Variants in RTF1 observed in about 807,000 individuals in gnomAD.
RTF1 encodes the protein RTF1 homolog, Paf1/RNA polymerase II complex component.
Under a neutral mutation model 95.7 loss-of-function variants are expected in RTF1, and 10 were observed. That is an observed-to-expected ratio of 0.10 (90% confidence interval 0.06 to 0.18). The LOEUF is 0.18. RTF1 is among the 10% of genes least tolerant of loss of function. The pLI is 1.00. For missense variants in RTF1, 458 were observed against 875.6 expected (o/e 0.52, Z 6.02); for synonymous variants, 305 against 311.8 (o/e 0.98, Z 0.23).
chr15:41,427,689 A>G (rs2050643172), intron 1 of RTF1, among the ~76,000 whole-genome samples: 1 of 152,104 alleles, frequency 6.6e-6, no homozygotes, highest in Admixed American at 6.6e-5. Context: ...AATAATAATA[A>G]CAGTAATAAT....
At chr15:41,439,470 C>T (rs758404571) in intron 2 of RTF1, among the ~76,000 whole-genome samples, 6 of 152,190 alleles carry the variant, frequency 3.9e-5, no homozygotes, top group Admixed American at 2.0e-4. Context: ...AACATCCCTC[C>T]GAGTGATGGT....
intron 2 of RTF1, among the ~76,000 whole-genome samples, chr15:41,451,370 G>T: frequency 6.6e-6 from 1 of 152,148 alleles, no homozygotes; most frequent in East Asian, 1.9e-4. Context: ...AGGAGATATG[G>T]TTTAATGTAA....
At chr15:41,442,602 C>T (rs988932583) in intron 2 of RTF1, among the ~76,000 whole-genome samples, 6 of 151,874 alleles carry the variant, frequency 4.0e-5, no homozygotes, top group Admixed American at 1.3e-4. Flanking sequence ...TGGCAATTCT[C>T]GGGCCAGGCA....
intron 6 of RTF1, among the ~76,000 whole-genome samples, chr15:41,467,071 T>C (rs1422574007): frequency 6.6e-6 from 1 of 152,228 alleles, no homozygotes; most frequent in Non-Finnish European, 1.5e-5. Context: ...TTAACAATCC[T>C]GTCAGTTAGC....
At chr15:41,477,720 C>G (rs1012995406) in intron 14 of RTF1, 20 of 587,140 alleles carry the variant, frequency 3.4e-5, no homozygotes, top group Non-Finnish European at 5.5e-5. Flanking sequence ...TACCTCTTCC[C>G]ACCCTTAGAT....
chr15:41,470,661 T>C (rs1468056584), intron 7 of RTF1, among the ~76,000 whole-genome samples: 2 of 135,278 alleles, frequency 1.5e-5, no homozygotes, highest in Admixed American at 7.4e-5. Context: ...TTTTTTTTTT[T>C]TTTTTTTTTT....
intron 2 of RTF1, among the ~76,000 whole-genome samples, chr15:41,447,121 C>G (rs1198350889): frequency 6.6e-6 from 1 of 152,132 alleles, no homozygotes; most frequent in African/African-American, 2.4e-5. Flanking sequence ...TATTCTTGAA[C>G]CTTACTTACT....
chr15:41,460,879 CTTT>C (rs765169928), intron 4 of RTF1, among the ~76,000 whole-genome samples: 1 of 135,392 alleles, frequency 7.4e-6, no homozygotes, highest in Non-Finnish European at 1.6e-5. Context: ...TCTTTTTTTT[CTTT>C]TTTTTTTTTT....
chr15:41,421,033 T>C (rs997400812), intron 1 of RTF1, among the ~76,000 whole-genome samples: 3 of 152,216 alleles, frequency 2.0e-5, no homozygotes, highest in Admixed American at 1.3e-4. Context: ...TAAGCGTACA[T>C]GTATAGGCTG....
chr15:41,476,610 G>GTA, intron 12 of RTF1, 87 bp downstream of exon 12: 1 of 1,247,114 alleles, frequency 8.0e-7, no homozygotes, highest in South Asian at 1.2e-5. Flanking sequence ...GTTAGTGGTG[G>GTA]TAGGATTGGG....
intron 1 of RTF1, among the ~76,000 whole-genome samples, chr15:41,422,728 T>C (rs1214264967): frequency 6.6e-6 from 1 of 152,236 alleles, no homozygotes; most frequent in Non-Finnish European, 1.5e-5. Context: ...TAACTTGAAG[T>C]AGCAATAATT....
At chr15:41,465,083 G>T (rs2050873505) in intron 5 of RTF1, among the ~76,000 whole-genome samples, 198 bp downstream of exon 5, 1 of 151,762 alleles carries the variant, frequency 6.6e-6, no homozygotes, top group Non-Finnish European at 1.5e-5. Flanking sequence ...TTTTTCCTTT[G>T]CTTTCCTTTT....
chr15:41,478,304 G>T (rs1337583994), intron 14 of RTF1, among the ~76,000 whole-genome samples: 2 of 151,670 alleles, frequency 1.3e-5, no homozygotes, highest in Non-Finnish European at 2.9e-5. Context: ...GAGAGGCTGA[G>T]GCAGGAGAAT....
intron 17 of RTF1, 117 bp from the exon 18 acceptor site, chr15:41,480,464 T>A: frequency 1.0e-6 from 1 of 961,066 alleles, no homozygotes; most frequent in Non-Finnish European, 1.7e-6. Flanking sequence ...CAAGACAGGC[T>A]GTGGGTATGG....
intron 1 of RTF1, among the ~76,000 whole-genome samples, chr15:41,429,832 A>G (rs1242644570): frequency 1.3e-5 from 2 of 151,782 alleles, no homozygotes; most frequent in African/African-American, 4.8e-5. Flanking sequence ...TAGCCCCTGC[A>G]CTCATTTGAT....
At chr15:41,419,790 A>T (rs1163317043) in intron 1 of RTF1, among the ~76,000 whole-genome samples, 1 of 152,178 alleles carries the variant, frequency 6.6e-6, no homozygotes, top group Non-Finnish European at 1.5e-5. Flanking sequence ...AAGCTTTTTC[A>T]AAGTGGGAAC....
At chr15:41,425,451 A>G (rs2050624224) in intron 1 of RTF1, among the ~76,000 whole-genome samples, 1 of 152,130 alleles carries the variant, frequency 6.6e-6, no homozygotes, top group African/African-American at 2.4e-5. Context: ...TTCTGAGAGT[A>G]ATAGGAAGCC....
rs561568080 is a variant in RTF1, at chr15:41,443,708, T to C, written c.309+5277T>C. On this transcript the variant is annotated intron_variant, in intron 2 of 17. Coordinates refer to ENST00000389629, the MANE Select transcript of RTF1 (RefSeq NM_015138.5). Reference sequence around the variant, plus strand: ...TAAGCTGGGAAGTTCGGGACCAGCCTGGGCAATATGGCAAAACCCCATCTC... The same window carrying C: ...TAAGCTGGGAAGTTCGGGACCAGCCCGGGCAATATGGCAAAACCCCATCTC... Among the ~76,000 whole-genome samples the C allele has an allele frequency of 2.6e-4, 39 of 152,048 alleles. No homozygotes were observed. In the East Asian group the frequency reaches 5.8e-3, roughly 23 times the overall value.
In RTF1 at chr15:41,476,543, C is replaced by G; in HGVS notation, c.1560+20C>G. On this transcript the variant is annotated intron_variant, in intron 12 of 17. Coordinates refer to ENST00000389629, the MANE Select transcript of RTF1 (RefSeq NM_015138.5). ...GAAAAGGTAAGGAGTTGTACTCGAGCCTCTTTCCTCATCCTGTAAGGAGAT... is the reference window on the plus strand; with the variant it reads ...GAAAAGGTAAGGAGTTGTACTCGAGGCTCTTTCCTCATCCTGTAAGGAGAT... 6.3e-7 allele frequency: 1 copy of G among 1,593,622 alleles called. No homozygotes were observed. Among genetic ancestry groups the G allele is most frequent in the East Asian group, 2.2e-5 (1 of 44,784 alleles).
Sources: allele counts gnomAD v4.1 joint callset (sites outside exome capture counted in the v4.1 genomes callset), GRCh38; gene constraint gnomAD v4.1.1; transcripts MANE v1.5; gene names NCBI Gene and HGNC (gene_info 2026-07-23, HGNC 2026-07-21).